The following MTMR8 variants were observed in gnomAD, a reference collection of about 807,000 sequenced individuals.
MTMR8 encodes the protein phosphatidylinositol-3,5-bisphosphate 3-phosphatase MTMR8.
MTMR8 carries 65 observed loss-of-function variants against 39.3 expected under a neutral mutation model. The observed-to-expected ratio is 1.65, with a 90% CI of 1.35 to 2.03. The LOEUF (loss-of-function observed/expected upper bound fraction) is 2.03. MTMR8 is among the 30% of genes most tolerant of loss of function. MTMR8 has a pLI of 0.00. For missense variants in MTMR8, 777 were observed against 538.9 expected (o/e 1.44, Z -4.37); for synonymous variants, 245 against 185.2 (o/e 1.32, Z -2.62).
intron 12 of MTMR8, among the ~76,000 whole-genome samples, chrX:64,311,567 C>T (rs1183975704): frequency 9.0e-6 from 1 of 111,300 alleles, no homozygotes; most frequent in Non-Finnish European, 1.9e-5. Flanking sequence ...GAAGTCCTTG[C>T]CTATGCCTAT....
intron 12 of MTMR8, among the ~76,000 whole-genome samples, chrX:64,316,134 T>G (rs1376294560): frequency 8.9e-6 from 1 of 112,027 alleles, no homozygotes; most frequent in African/African-American, 3.2e-5. Flanking sequence ...TGTCATACAT[T>G]TGAGACAATT....
chrX:64,276,388 C>T (rs1931872952), intron 12 of MTMR8, among the ~76,000 whole-genome samples: 1 of 111,282 alleles, frequency 9.0e-6, no homozygotes, highest in Non-Finnish European at 1.9e-5. Flanking sequence ...GGGTGCTGAT[C>T]TTAGATCTTT....
intron 12 of MTMR8, among the ~76,000 whole-genome samples, chrX:64,280,470 C>T (rs975729170): frequency 8.9e-6 from 1 of 111,788 alleles, no homozygotes; most frequent in Non-Finnish European, 1.9e-5. Flanking sequence ...TCAATAGATG[C>T]AGAAAAGGCC....
At position 64,337,580 on chromosome X, in the gene MTMR8, G is replaced by C. The variant is rs773873034; in HGVS notation, c.976-187C>G. 3.2e-4 allele frequency among the ~76,000 whole-genome samples: 36 copies of C among 111,990 alleles called. 1 individual carries two copies. Among genetic ancestry groups the C allele is most frequent in the Admixed American group, 9.5e-5 (1 of 10,517 alleles). ...AAAACAATGGAGTTCAAGAGAAGGAGAGCTTACCACATAGGAAAAGAATAT... is the reference window on the plus strand; with the variant it reads ...AAAACAATGGAGTTCAAGAGAAGGACAGCTTACCACATAGGAAAAGAATAT... On this transcript the variant is annotated intron_variant, in intron 8 of 13. Coordinates refer to ENST00000374852, the MANE Select transcript of MTMR8 (RefSeq NM_017677.4).
At chrX:64,298,647 G>C (rs1188479737) in intron 12 of MTMR8, among the ~76,000 whole-genome samples, 1 of 95,750 alleles carries the variant, frequency 1.0e-5, no homozygotes, top group East Asian at 2.9e-4. Context: ...GGGCATCCCT[G>C]TCTGTTGCCA....
At chrX:64,275,812 A>C (rs1260207642) in intron 12 of MTMR8, among the ~76,000 whole-genome samples, 1 of 111,419 alleles carries the variant, frequency 9.0e-6, no homozygotes, top group Admixed American at 9.6e-5. Context: ...ATGCAACAAA[A>C]ATAAAAAAGA....
chrX:64,279,222 G>A (rs1931951268), intron 12 of MTMR8, among the ~76,000 whole-genome samples: 1 of 112,046 alleles, frequency 8.9e-6, no homozygotes, highest in African/African-American at 3.2e-5. Flanking sequence ...TCAAAAAGGA[G>A]GGCATGCTTC....
chrX:64,271,144 T>C (rs1335075179), intron 12 of MTMR8, 71 bp from the exon 13 acceptor site: 1 of 1,045,960 alleles, frequency 9.6e-7, no homozygotes, highest in Non-Finnish European at 1.3e-6. Context: ...ATGTTTTCCT[T>C]GTGCCAAGAA....
intron 1 of MTMR8, among the ~76,000 whole-genome samples, chrX:64,365,557 T>C (rs961471041): frequency 3.6e-5 from 4 of 111,542 alleles, no homozygotes; most frequent in Non-Finnish European, 5.6e-5. Context: ...GACAAGCAAA[T>C]GTTGAGAGAT....
chrX:64,276,857 G>GTCTCCTACT (rs1931881591), intron 12 of MTMR8, among the ~76,000 whole-genome samples: 1 of 111,458 alleles, frequency 9.0e-6, no homozygotes, highest in Admixed American at 9.5e-5. Context: ...GGGTATTAAA[G>GTCTCCTACT]TCTCCTACTA....
chrX:64,373,095 G>C (rs1168327446), intron 1 of MTMR8, among the ~76,000 whole-genome samples: 1 of 111,863 alleles, frequency 8.9e-6, no homozygotes. Context: ...TAAGATAGGT[G>C]ATATTGTTAA....
At chrX:64,341,641 T>G (rs1315608949) in intron 8 of MTMR8, among the ~76,000 whole-genome samples, 1 of 111,807 alleles carries the variant, frequency 8.9e-6, no homozygotes, top group African/African-American at 3.3e-5. Flanking sequence ...TTGTTAAAAC[T>G]AAATAAAATC....
At chrX:64,353,980 T>C (rs1397884839) in intron 4 of MTMR8, among the ~76,000 whole-genome samples, 1 of 109,948 alleles carries the variant, frequency 9.1e-6, no homozygotes, top group Non-Finnish European at 1.9e-5. Flanking sequence ...TATAACTCAG[T>C]CACAAAAAAA....
chrX:64,284,084 T>C (rs1921061337), intron 12 of MTMR8, among the ~76,000 whole-genome samples: 2 of 111,504 alleles, frequency 1.8e-5, no homozygotes, highest in Admixed American at 1.9e-4. Flanking sequence ...GAAAACAGAT[T>C]AGATGAATGG....
At chrX:64,381,236 C>T (rs1371381730) in intron 1 of MTMR8, among the ~76,000 whole-genome samples, 4 of 111,662 alleles carry the variant, frequency 3.6e-5, no homozygotes, top group Non-Finnish European at 5.6e-5. Context: ...TCCTATTTCT[C>T]CACATCCTCT....
chrX:64,335,499 G>A (rs1238007395), intron 10 of MTMR8, among the ~76,000 whole-genome samples: 2 of 112,035 alleles, frequency 1.8e-5, no homozygotes, highest in African/African-American at 6.5e-5. Flanking sequence ...ACATTGTTAG[G>A]CATTTGACAA....
At chrX:64,286,137 A>G (rs991494786) in intron 12 of MTMR8, among the ~76,000 whole-genome samples, 7 of 111,955 alleles carry the variant, frequency 6.3e-5, no homozygotes, top group African/African-American at 1.9e-4. Context: ...AAAATGATAA[A>G]GGGGATGTCA....
chrX:64,302,658 A>G (rs944251386), intron 12 of MTMR8, among the ~76,000 whole-genome samples: 10 of 112,654 alleles, frequency 8.9e-5, no homozygotes, highest in African/African-American at 3.2e-4. Flanking sequence ...GCTTGATAGT[A>G]CCAATCTGAA....
At chrX:64,304,956 A>G (rs1413321839) in intron 12 of MTMR8, 1 of 89,733 alleles carries the variant, frequency 1.1e-5, no homozygotes, top group African/African-American at 3.9e-5. Flanking sequence ...GTATAAACAT[A>G]TATATATGTA....
Sources: allele counts gnomAD v4.1 joint callset (sites outside exome capture counted in the v4.1 genomes callset), GRCh38; gene constraint gnomAD v4.1.1; transcripts MANE v1.5; gene names NCBI Gene and HGNC (gene_info 2026-07-23, HGNC 2026-07-21).